Variants in CGGBP1 observed in about 807,000 individuals in gnomAD.
CGGBP1 encodes CGG triplet repeat binding protein 1, also known as CGG triplet repeat-binding protein 1.
In CGGBP1, 4 loss-of-function variants were observed where a neutral mutation model predicts 11.4. The observed-to-expected ratio is 0.35, with a 90% CI of 0.17 to 0.80. The LOEUF (loss-of-function observed/expected upper bound fraction) is 0.80, where lower values mean the gene tolerates loss of function less well. CGGBP1 is among the 30% of genes least tolerant of loss of function. The pLI is 0.52. For synonymous variants in CGGBP1, 76 were observed against 74.1 expected (o/e 1.03, Z -0.13); for missense variants, 135 against 202.1 (o/e 0.67, Z 2.01).
intron 2 of CGGBP1, among the ~76,000 whole-genome samples, chr3:88,130,305 C>A (rs1188524907): frequency 6.6e-6 from 1 of 152,130 alleles, no homozygotes; most frequent in Non-Finnish European, 1.5e-5. Context: ...TTCATTAATT[C>A]TTAACAGAAA....
upstream of CGGBP1, among the ~76,000 whole-genome samples, chr3:88,063,866 G>T (rs1707037171): frequency 6.6e-6 from 1 of 152,064 alleles, no homozygotes; most frequent in Non-Finnish European, 1.5e-5. Context: ...CAGGGTAGTT[G>T]CTTGAGTCCC....
rs373418108 is a variant in CGGBP1, at chr3:88,056,014, G to T, written c.-23-15C>A. The T allele has an allele frequency of 3.7e-5, 57 of 1,542,390 alleles. No individual in the cohort carries two copies. The highest frequency in any genetic ancestry group is 4.6e-5 in the Non-Finnish European group (53 of 1,141,434). ...TAAATATGGTTCTTTCAAGACAAAAGAAACAAAGATGAGTATTATAACAAC... is the reference window on the plus strand; with the variant it reads ...TAAATATGGTTCTTTCAAGACAAAATAAACAAAGATGAGTATTATAACAAC... On this transcript the variant is annotated splice_polypyrimidine_tract_variant and intron_variant, in intron 3 of 3. Coordinates refer to ENST00000482016, the MANE Select transcript of CGGBP1 (RefSeq NM_001008390.2).
chr3:88,055,716 A>G lies in CGGBP1; in HGVS notation c.261T>C (p.Thr87=), dbSNP rs1706527379. 6.2e-7 allele frequency: 1 copy of G among 1,614,212 alleles called. No individual in the cohort carries two copies. Among genetic ancestry groups the G allele is most frequent in the East Asian group, 2.2e-5 (1 of 44,884 alleles). ...CAGTACTGTTGCACTGAAGAGATGC[A>G]GTTAGGGGCCTCTGCTTCTTTCTCA... ...QNVRKKQRPL[T]ASLQCNSTAQ... Residue 87 remains threonine, a synonymous_variant, in exon 4 of 4, where the codon ACT becomes ACC. Coordinates refer to ENST00000482016, the MANE Select transcript of CGGBP1 (RefSeq NM_001008390.2). The surrounding 1 kb of genome is among the most constrained non-coding windows in gnomAD (Gnocchi z 4.2).
chr3:88,081,917 G>A (rs183531509), intron 2 of CGGBP1, among the ~76,000 whole-genome samples: 10 of 152,198 alleles, frequency 6.6e-5, no homozygotes, highest in African/African-American at 1.4e-4. Flanking sequence ...ATACAACTAC[G>A]TTACAAATGA....
rs1467647432 is a variant in CGGBP1, at chr3:88,078,434, A to T, written c.-228-20211T>A. The stretch of plus-strand genomic sequence containing the variant: ...TTTAAATAAGTTTAAATCTCATCCC[A>T]GGATACTGGGGTAGGGGGTGGGACA... On this transcript the variant is annotated intron_variant, in intron 2 of 3. Coordinates refer to the CGGBP1 transcript ENST00000462901. 2.6e-5 allele frequency among the ~76,000 whole-genome samples: 4 copies of T among 152,270 alleles called. No homozygotes were observed. In the East Asian group the frequency reaches 7.7e-4, roughly 29 times the overall value.
intron 2 of CGGBP1, among the ~76,000 whole-genome samples, chr3:88,067,479 T>C (rs1707265260): frequency 6.6e-6 from 1 of 152,110 alleles, no homozygotes; most frequent in Non-Finnish European, 1.5e-5. Flanking sequence ...GAAAGTAGAC[T>C]AGGAAAAGGA....
intron 2 of CGGBP1, among the ~76,000 whole-genome samples, chr3:88,098,864 C>T (rs181947598): frequency 5.3e-5 from 8 of 152,244 alleles, no homozygotes; most frequent in African/African-American, 1.9e-4. Context: ...CTATGACAAA[C>T]CCACAGCCAG....
chr3:88,097,517 G>A (rs954274768), intron 2 of CGGBP1, among the ~76,000 whole-genome samples: 7 of 151,854 alleles, frequency 4.6e-5, no homozygotes, highest in Admixed American at 1.3e-4. Flanking sequence ...ACCCCAAATC[G>A]ACAGAATATA....
chr3:88,148,343 T>C (rs1392755992), intron 1 of CGGBP1, among the ~76,000 whole-genome samples: 1 of 152,188 alleles, frequency 6.6e-6, no homozygotes, highest in African/African-American at 2.4e-5. Context: ...AATACATTTT[T>C]AATGAACGAA....
intron 2 of CGGBP1, among the ~76,000 whole-genome samples, chr3:88,104,615 A>G (rs1390711863): frequency 6.6e-6 from 1 of 152,248 alleles, no homozygotes. Flanking sequence ...TACCTAAAGC[A>G]CCATAATATT....
rs370961902 is a variant in CGGBP1 at position 88,140,596 on chromosome 3, T to C, written c.-229+374A>G. 8.7e-5 allele frequency: 140 copies of C among 1,613,744 alleles called. No individual in the cohort carries two copies. The highest frequency in any genetic ancestry group is 5.3e-4 in the East Asian group (24 of 44,876). On this transcript the variant is annotated intron_variant, in intron 2 of 3. Coordinates refer to the CGGBP1 transcript ENST00000462901. ...GAAAATAATTGTAGTAGTAGTGATA[T>C]AGTCAATGGACACAGTGAAATAGAG...
intron 2 of CGGBP1, among the ~76,000 whole-genome samples, chr3:88,072,516 T>G (rs1037952884): frequency 1.3e-5 from 2 of 152,176 alleles, no homozygotes; most frequent in African/African-American, 4.8e-5. Context: ...CATATCTGCT[T>G]CTTGGCTTTT....
chr3:88,139,477 T>C lies in CGGBP1; in HGVS notation c.-229+1493A>G, dbSNP rs1553701031. On this transcript the variant is annotated intron_variant, in intron 2 of 3. Transcript: ENST00000462901. ...GTTAAGAAGATACAGAGGCAGCAAA[T>C]TGCTGCAGCTCAACAGGATGATCAG... 17 of 1,613,742 alleles carry C rather than the reference T, an allele frequency of 1.1e-5. 1 individual carries two copies. In the South Asian group the frequency reaches 1.6e-4, roughly 16 times the overall value.
chr3:88,121,056 C>G (rs1238234492), intron 2 of CGGBP1, among the ~76,000 whole-genome samples: 2 of 151,874 alleles, frequency 1.3e-5, no homozygotes, highest in Non-Finnish European at 2.9e-5. Flanking sequence ...ACCTATGTAA[C>G]AAACCTGTAT....
upstream of CGGBP1, chr3:88,059,434 G>A: frequency 6.6e-7 from 1 of 1,523,780 alleles, no homozygotes; most frequent in South Asian, 1.2e-5. Flanking sequence ...CGGCAGAGGC[G>A]GCGCTGGCAG....
chr3:88,143,325 T>C (rs939189263), intron 1 of CGGBP1: 6 of 152,266 alleles, frequency 3.9e-5, no homozygotes, highest in African/African-American at 1.4e-4. Context: ...GTTTCTGTTA[T>C]GTAGCCTATA....
At chr3:88,075,334 C>A (rs1007912455) in intron 2 of CGGBP1, among the ~76,000 whole-genome samples, 4 of 152,220 alleles carry the variant, frequency 2.6e-5, no homozygotes, top group Non-Finnish European at 5.9e-5. Context: ...TTTCTCTAGA[C>A]CCAAACATGT....
At chr3:88,139,998 G>A in intron 2 of CGGBP1, 1 of 1,613,770 alleles carries the variant, frequency 6.2e-7, no homozygotes. Context: ...CGATTTAAAT[G>A]TGCGACAAAC....
chr3:88,093,241 T>C (rs765013884), intron 2 of CGGBP1, among the ~76,000 whole-genome samples: 2 of 152,328 alleles, frequency 1.3e-5, no homozygotes, highest in Non-Finnish European at 2.9e-5. Context: ...ATTCCTAAGT[T>C]AAGTTTCACA....
Sources: allele counts gnomAD v4.1 joint callset (sites outside exome capture counted in the v4.1 genomes callset), GRCh38; gene constraint gnomAD v4.1.1; non-coding constraint Gnocchi (gnomAD v3.1); transcripts MANE v1.5; gene names NCBI Gene and HGNC (gene_info 2026-07-23, HGNC 2026-07-21).